Variants in TTC17 observed in about 807,000 individuals in gnomAD.
TTC17 encodes tetratricopeptide repeat domain 17.
TTC17 carries 58 observed loss-of-function variants against 143.8 expected under a neutral mutation model. That is an observed-to-expected ratio of 0.40 (90% CI 0.33 to 0.50). The LOEUF (loss-of-function observed/expected upper bound fraction) is 0.50. Among genes scored for constraint, TTC17 ranks in the 20% least tolerant of loss-of-function variants. The pLI, the probability that TTC17 is intolerant of heterozygous loss-of-function variation, is 0.49. For synonymous variants in TTC17, 501 were observed against 497.8 expected, an observed-to-expected ratio of 1.01 and a Z score of -0.09; for missense variants, 1,273 against 1,392.5, an observed-to-expected ratio of 0.91 and a Z score of 1.37.
intron 19 of TTC17, chr11:43,448,735 G>A (rs1947599641): frequency 6.6e-6 from 1 of 152,158 alleles, no homozygotes; most frequent in South Asian, 2.1e-4. Context: ...TCATTTGTCT[G>A]TCTCCCTGAC....
At chr11:43,412,192 G>A (rs1175233076) in intron 15 of TTC17, among the ~76,000 whole-genome samples, 2 of 152,074 alleles carry the variant, frequency 1.3e-5, no homozygotes, top group African/African-American at 4.8e-5. Context: ...ATAGCATCAA[G>A]AAAACATCAG....
intron 16 of TTC17, among the ~76,000 whole-genome samples, chr11:43,425,655 A>G (rs1309546401): frequency 6.6e-6 from 1 of 152,170 alleles, no homozygotes; most frequent in Non-Finnish European, 1.5e-5. Context: ...ATATATGTGT[A>G]CATGTGTATG....
chr11:43,449,978 CTGATTGTTAATGCTGTCTCTCCT>C lies in TTC17; in HGVS notation c.2787-82_2787-60del, dbSNP rs1174202726. The C allele has an allele frequency of 6.2e-6, 8 of 1,286,434 alleles. No homozygotes were observed. The East Asian group carries it at 7.4e-5, about 12-fold the overall frequency. 79.7% of individuals were successfully genotyped at this position (1,286,434 alleles called of 1,614,324 possible). The stretch of plus-strand genomic sequence containing the variant: ...GATAGCATGTTGAAGCTATGATGAG[CTGATTGTTAATGCTGTCTCTCCT>C]TGATTGTTAATGCTGTCTCTCTTCT... On this transcript the variant is annotated intron_variant, in intron 19 of 23. Coordinates refer to ENST00000039989, the MANE Select transcript of TTC17 (RefSeq NM_018259.6).
At position 43,401,532 on chromosome 11, in the gene TTC17, A is replaced by G. The variant is rs1282103752; in HGVS notation, c.1306A>G (p.Ile436Val). The change falls in exon 10 of 24, where the codon ATC (isoleucine) becomes GTC (valine). Residue 436 changes from isoleucine to valine, a missense_variant. Coordinates refer to ENST00000039989, the MANE Select transcript of TTC17 (RefSeq NM_018259.6). ...DQPVRYHRGD[I>V]FENVDYVQFG... is the part of the protein sequence containing the mutation. ...GCCTGTACGCTATCATCGTGGAGAT[A>G]TCTTTGAAAATGTGGACTATGTTCA... 1 of 1,612,784 alleles carries G rather than the reference A, an allele frequency of 6.2e-7. No individual in the cohort carries two copies. The highest frequency in any genetic ancestry group is 1.1e-5 in the South Asian group (1 of 90,806).
chr11:43,400,335 C>G (rs966021904), intron 9 of TTC17, among the ~76,000 whole-genome samples: 5 of 151,876 alleles, frequency 3.3e-5, no homozygotes, highest in Non-Finnish European at 7.4e-5. Context: ...GTTTTTTTTC[C>G]TACCCTAATA....
chr11:43,359,278 C>T (rs1855994142), intron 1 of TTC17, 165 bp downstream of exon 1: 3 of 823,554 alleles, frequency 3.6e-6, no homozygotes, highest in Admixed American at 8.3e-5. Flanking sequence ...CAGGCAGGCA[C>T]TTCCCGCTCC....
intron 19 of TTC17, 21 bp from the exon 20 acceptor site, chr11:43,450,061 G>T: frequency 6.2e-7 from 1 of 1,607,508 alleles, no homozygotes; most frequent in Non-Finnish European, 8.5e-7. Flanking sequence ...CATAGCTAAT[G>T]TGGTAATCTC....
At position 43,443,137 on chromosome 11, in the gene TTC17, C is replaced by T. The variant is rs145357979; in HGVS notation, c.2252-188C>T. Reference sequence around the variant, plus strand: ...TGTTCTCAGCCAGGCTTTTGGCAAACGCTAGATGACAAAGTTGGTATTTTA... The same window carrying T: ...TGTTCTCAGCCAGGCTTTTGGCAAATGCTAGATGACAAAGTTGGTATTTTA... On this transcript the variant is annotated intron_variant, in intron 16 of 23. Transcript: ENST00000039989. 3.0e-4 allele frequency among the ~76,000 whole-genome samples: 46 copies of T among 152,298 alleles called. 1 individual carries two copies. In the East Asian group the frequency reaches 7.5e-3, roughly 25 times the overall value.
chr11:43,468,411 T>G (rs1200874113), intron 21 of TTC17: 1 of 152,220 alleles, frequency 6.6e-6, no homozygotes, highest in African/African-American at 2.4e-5. Context: ...GTAAAATCTC[T>G]GTAATAAGTA....
chr11:43,459,030 C>T (rs549713771), intron 21 of TTC17, among the ~76,000 whole-genome samples: 6 of 152,254 alleles, frequency 3.9e-5, no homozygotes, highest in African/African-American at 1.4e-4. Flanking sequence ...GGTCTTGGAA[C>T]ATATTCCCCT....
chr11:43,441,625 C>T (rs186947507), intron 16 of TTC17, among the ~76,000 whole-genome samples: 2 of 152,056 alleles, frequency 1.3e-5, no homozygotes, highest in Non-Finnish European at 2.9e-5. Context: ...ACTTATTCTT[C>T]ACCTGTGAGG....
chr11:43,465,171 C>T (rs552222036), intron 21 of TTC17, among the ~76,000 whole-genome samples: 20 of 152,318 alleles, frequency 1.3e-4, no homozygotes, highest in African/African-American at 4.8e-4. Flanking sequence ...GTAGCCTTTA[C>T]ACAATGTCAT....
At chr11:43,479,619 T>TA (rs1294717345) in intron 21 of TTC17, among the ~76,000 whole-genome samples, 7 of 152,188 alleles carry the variant, frequency 4.6e-5, no homozygotes, top group Non-Finnish European at 1.0e-4. Context: ...GGCAAAGGTA[T>TA]CTTAAAGCAT....
At chr11:43,490,478 G>C (rs1948454692) in intron 22 of TTC17, 120 bp downstream of exon 22, 1 of 1,410,344 alleles carries the variant, frequency 7.1e-7, no homozygotes, top group Non-Finnish European at 9.4e-7. Flanking sequence ...ATTCCAAGGA[G>C]AGAATGGGGC....
chr11:43,407,001 CAT>C (rs1388097514), intron 13 of TTC17, 135 bp from the exon 14 acceptor site: 9 of 611,718 alleles, frequency 1.5e-5, no homozygotes, highest in African/African-American at 7.4e-5. Context: ...GAATTTATGT[CAT>C]ATATATGATC....
intron 15 of TTC17, among the ~76,000 whole-genome samples, chr11:43,413,962 A>C (rs1261478659): frequency 1.3e-5 from 2 of 152,226 alleles, no homozygotes; most frequent in Non-Finnish European, 2.9e-5. Flanking sequence ...AAATGAGGAC[A>C]ATGTGCCTAT....
At chr11:43,359,759 G>A (rs956936179) in intron 1 of TTC17, among the ~76,000 whole-genome samples, 9 of 152,216 alleles carry the variant, frequency 5.9e-5, no homozygotes, top group Admixed American at 3.9e-4. Flanking sequence ...AGCTGTTACT[G>A]CCCTCGTTTC....
chr11:43,380,042 G>A (rs1019704439), intron 2 of TTC17, among the ~76,000 whole-genome samples: 4 of 151,512 alleles, frequency 2.6e-5, no homozygotes, highest in Non-Finnish European at 5.9e-5. Flanking sequence ...TGCAAAATGA[G>A]AAAAAAACTA....
At chr11:43,383,959 G>C (rs904349669) in intron 2 of TTC17, among the ~76,000 whole-genome samples, 3 of 151,886 alleles carry the variant, frequency 2.0e-5, no homozygotes, top group Non-Finnish European at 4.4e-5. Context: ...TTGAGACCAG[G>C]AGTTTAAGAC....
Sources: gnomAD v4.1 joint callset for allele counts (sites outside exome capture counted in the v4.1 genomes callset) on GRCh38, gnomAD v4.1.1 for gene constraint, MANE v1.5 for transcripts, NCBI Gene and HGNC (gene_info 2026-07-23, HGNC 2026-07-21) for gene names.